The following DNAAF5 variants were observed in gnomAD, a reference collection of about 807,000 sequenced individuals.
DNAAF5 encodes dynein axonemal assembly factor 5, also known as HEAT repeat containing 2.
Under a neutral mutation model 75.8 loss-of-function variants are expected in DNAAF5, and 64 were observed. The ratio of observed to expected loss-of-function variants is 0.84; its 90% CI spans 0.69 to 1.04. DNAAF5 has a LOEUF of 1.04. Ranked by LOEUF, DNAAF5 falls within the 50% of genes least tolerant of loss-of-function variation. DNAAF5 has a pLI of 0.00. For missense variants in DNAAF5, 1,269 were observed against 1,178.5 expected (o/e 1.08, Z -1.12); for synonymous variants, 657 against 557.2 (o/e 1.18, Z -2.52).
chr7:770,694 C>G, intron 9 of DNAAF5, 76 bp downstream of exon 9: 1 of 1,420,764 alleles, frequency 7.0e-7, no homozygotes, highest in South Asian at 1.2e-5. Flanking sequence ...TCCCCAACAG[C>G]TCACTGAGCA....
At chr7:757,060 G>C in intron 6 of DNAAF5, 66 bp downstream of exon 6, 1 of 1,452,168 alleles carries the variant, frequency 6.9e-7, no homozygotes, top group Non-Finnish European at 9.3e-7. Context: ...GTCAGCCATC[G>C]TAATGACATG....
intron 11 of DNAAF5, chr7:778,121 T>C (rs185021613): frequency 4.6e-5 from 7 of 152,386 alleles, no homozygotes; most frequent in African/African-American, 1.7e-4. Flanking sequence ...CCTTTGCTTT[T>C]CTGTTTTTAT....
In DNAAF5 at chr7:759,642, C is replaced by T. The variant is rs1029986462; in HGVS notation, c.1471-2111C>T. Reference sequence around the variant, plus strand: ...TTTTCTTTTTCGTTCTGTGTGTGTGCGTTGTATGTAGGCAGACACTGAAAA... The same window carrying T: ...TTTTCTTTTTCGTTCTGTGTGTGTGTGTTGTATGTAGGCAGACACTGAAAA... On this transcript the variant is annotated intron_variant, in intron 6 of 12. Transcript: ENST00000297440. Among the ~76,000 whole-genome samples the T allele has an allele frequency of 3.9e-5, 6 of 152,002 alleles. No homozygotes were observed. In the South Asian group the frequency reaches 8.3e-4, roughly 21 times the overall value.
intron 8 of DNAAF5, among the ~76,000 whole-genome samples, chr7:766,324 A>C (rs1181854461): frequency 6.6e-6 from 1 of 152,188 alleles, no homozygotes; most frequent in Non-Finnish European, 1.5e-5. Context: ...TCTAATGAGC[A>C]TGCACTACTG....
In DNAAF5 at chr7:774,116, G is replaced by A; in HGVS notation, c.2000G>A (p.Gly667Glu). The stretch of plus-strand genomic sequence containing the variant: ...GCCCCCAATCTGCAGTGGCATGCGG[G>A]GAGGACAGCCGCGGCCATCCGCACG... Reference protein sequence around the residue: ...ILAPNLQWHAGRTAAAIRTAA... With the variant: ...ILAPNLQWHAERTAAAIRTAA... The change falls in exon 10 of 13, where the codon GGG (glycine) becomes GAG (glutamate). Residue 667 changes from glycine to glutamate, a missense_variant. Gly to Glu is a moderately conservative substitution (Grantham distance 98). Coordinates refer to ENST00000297440, the MANE Select transcript of DNAAF5 (RefSeq NM_017802.4). The A allele has an allele frequency of 6.2e-7, 1 of 1,613,408 alleles. No individual in the cohort carries two copies. The highest frequency in any genetic ancestry group is 8.5e-7 in the Non-Finnish European group (1 of 1,179,994).
chr7:729,056 G>A (rs925011341), intron 1 of DNAAF5, among the ~76,000 whole-genome samples: 2 of 150,008 alleles, frequency 1.3e-5, no homozygotes, highest in Admixed American at 6.7e-5. Context: ...GAGTGCAGTG[G>A]GGCGATCTCA....
In DNAAF5 at chr7:756,974, A is replaced by C; in HGVS notation, c.1450A>C (p.Ile484Leu). Residue 484 changes from isoleucine to leucine, a missense_variant, in exon 6 of 13, where the codon ATC becomes CTC. Physicochemically the swap from Ile to Leu is conservative, Grantham distance 5. Coordinates refer to ENST00000297440, the MANE Select transcript of DNAAF5 (RefSeq NM_017802.4). The stretch of plus-strand genomic sequence containing the variant: ...CGCCACAGAGCTGGCACAGGCCCAC[A>C]TCTGCCAGGCATCTGAAAACGTAAG... ...AIATELAQAH[I>L]CQASENDLYL... 2 of 1,604,746 alleles carry C rather than the reference A, an allele frequency of 1.2e-6. No homozygotes were observed. The highest frequency in any genetic ancestry group is 8.5e-7 in the Non-Finnish European group (1 of 1,179,786).
intron 4 of DNAAF5, among the ~76,000 whole-genome samples, chr7:745,628 T>C (rs900823033): frequency 6.6e-6 from 1 of 152,172 alleles, no homozygotes; most frequent in Non-Finnish European, 1.5e-5. Context: ...CACACACGTG[T>C]ACATGTATAT....
intron 2 of DNAAF5, among the ~76,000 whole-genome samples, chr7:740,287 C>G (rs1475125507): frequency 2.0e-5 from 3 of 152,232 alleles, no homozygotes; most frequent in African/African-American, 4.8e-5. Context: ...CTCGTGCCCC[C>G]TCTTCAGACA....
In DNAAF5 at chr7:761,896, G is replaced by A; in HGVS notation, c.1614G>A (p.Lys538=). ...CAGGTGCTACCGGCCTGAGGGACAA[G>A]GTAAGGCTGACAGTGGTGGCTGCTG... ...ALAGATGLRD[K]AQETMDSLAM... The change falls in exon 7 of 13, where the codon AAG becomes AAA. Residue 538 remains lysine (K), a splice_region_variant and synonymous_variant. Coordinates refer to ENST00000297440, the MANE Select transcript of DNAAF5 (RefSeq NM_017802.4). 1.9e-6 allele frequency: 3 copies of A among 1,568,708 alleles called. No homozygotes were observed. The highest frequency in any genetic ancestry group is 2.3e-5 in the South Asian group (2 of 85,268).
chr7:784,388 C>A (rs1338007752), intron 12 of DNAAF5, among the ~76,000 whole-genome samples: 1 of 152,238 alleles, frequency 6.6e-6, no homozygotes, highest in Non-Finnish European at 1.5e-5. Context: ...CCGCCACCCT[C>A]AGTGGCTCAG....
In DNAAF5 at chr7:741,400, ATG is replaced by A. The variant is rs1781905532; in HGVS notation, c.960_961del (p.Asn320LysfsTer22). 29 of 1,580,772 alleles carry A rather than the reference ATG, an allele frequency of 1.8e-5. No homozygotes were observed. Among genetic ancestry groups the A allele is most frequent in the Non-Finnish European group, 2.5e-5 (29 of 1,164,204 alleles). On this transcript the variant is annotated frameshift_variant, in exon 4 of 13. Transcript: ENST00000297440. LOFTEE classifies it high-confidence loss of function. Reference sequence around the variant, plus strand: ...GTTGGCCTGCAGTGGCAGAAGGAGAATGAGGAGGACCTGAAGGACAAGCTGGA... The same window carrying A: ...GTTGGCCTGCAGTGGCAGAAGGAGAAAGGAGGACCTGAAGGACAAGCTGGA...
chr7:777,746 C>T lies in DNAAF5; in HGVS notation c.2240-2207C>T, dbSNP rs781160001. ...CTTCACACTCTGTGTACTGGGTCAA[C>T]TCTAGACTGAATGTGGCTGAAAACA... On this transcript the variant is annotated intron_variant, in intron 11 of 12. Coordinates refer to ENST00000297440, the MANE Select transcript of DNAAF5 (RefSeq NM_017802.4). 3.9e-4 allele frequency among the ~76,000 whole-genome samples: 60 copies of T among 152,332 alleles called. 1 individual carries two copies. The highest frequency in any genetic ancestry group is 6.6e-4 in the Non-Finnish European group (45 of 68,034).
intron 8 of DNAAF5, among the ~76,000 whole-genome samples, chr7:770,032 A>G (rs1344534670): frequency 6.6e-6 from 1 of 152,008 alleles, no homozygotes; most frequent in African/African-American, 2.4e-5. Flanking sequence ...GCTCACTGCA[A>G]CCTCCACCTC....
At chr7:743,501 G>T (rs547441266) in intron 4 of DNAAF5, among the ~76,000 whole-genome samples, 2 of 152,092 alleles carry the variant, frequency 1.3e-5, no homozygotes, top group African/African-American at 2.4e-5. Flanking sequence ...TTTTCCTCCC[G>T]GTCGGCATTC....
rs1157859814 is a variant in DNAAF5, at chr7:741,977, C to CT, written c.1024+513dup. On this transcript the variant is annotated intron_variant, in intron 4 of 12. Coordinates refer to ENST00000297440, the MANE Select transcript of DNAAF5 (RefSeq NM_017802.4). ...GGAACAGGGTCTCCTGCTGCGTGGC[C>CT]TCCCCGCCCTTCCCACATTTGCTCC... Among the ~76,000 whole-genome samples the CT allele has an allele frequency of 8.5e-5, 13 of 152,326 alleles. No homozygotes were observed. The East Asian group carries it at 2.3e-3, about 27-fold the overall frequency.
intron 12 of DNAAF5, among the ~76,000 whole-genome samples, chr7:784,080 C>T (rs1439141459): frequency 5.3e-5 from 8 of 152,090 alleles, no homozygotes; most frequent in Non-Finnish European, 4.4e-5. Flanking sequence ...CTGGAAGCAG[C>T]CCGCCTTACC....
chr7:760,289 T>C (rs1310510148), intron 6 of DNAAF5, among the ~76,000 whole-genome samples: 1 of 152,234 alleles, frequency 6.6e-6, no homozygotes, highest in Admixed American at 6.5e-5. Flanking sequence ...TTAGGAAATT[T>C]AGAACCAACC....
chr7:745,191 A>G (rs943969809), intron 4 of DNAAF5, among the ~76,000 whole-genome samples: 5 of 152,180 alleles, frequency 3.3e-5, no homozygotes, highest in African/African-American at 1.2e-4. Flanking sequence ...AATTCATGCT[A>G]CACGGAGCCC....
Sources: allele counts gnomAD v4.1 joint callset (sites outside exome capture counted in the v4.1 genomes callset), GRCh38; gene constraint gnomAD v4.1.1; transcripts MANE v1.5; gene names NCBI Gene and HGNC (gene_info 2026-07-23, HGNC 2026-07-21).